The following GPM6A variants were observed in gnomAD, a reference collection of about 807,000 sequenced individuals.
The protein encoded by GPM6A is glycoprotein M6A.
GPM6A carries 7 observed loss-of-function variants against 32.1 expected under a neutral mutation model. That is an observed-to-expected ratio of 0.22 (90% CI 0.12 to 0.41). The LOEUF is 0.41. Among genes scored for constraint, GPM6A ranks in the 10% least tolerant of loss-of-function variants. GPM6A has a pLI of 1.00. For synonymous variants in GPM6A, 130 were observed against 123.4 expected (o/e 1.05, Z -0.35); for missense variants, 235 against 347.2 (o/e 0.68, Z 2.57).
At chr4:175,973,847 AT>A (rs1740578882) in intron 1 of GPM6A, among the ~76,000 whole-genome samples, 1 of 152,176 alleles carries the variant, frequency 6.6e-6, no homozygotes, top group African/African-American at 2.4e-5. Flanking sequence ...ATAAATTATC[AT>A]ATGATGCTTT....
At chr4:175,659,092 T>A (rs1447962377) in intron 3 of GPM6A, among the ~76,000 whole-genome samples, 3 of 152,066 alleles carry the variant, frequency 2.0e-5, no homozygotes, top group East Asian at 1.9e-4. Context: ...TTTCCTTTTT[T>A]TTTTTTTGAG....
chr4:175,707,571 G>T (rs1745270217), intron 1 of GPM6A, among the ~76,000 whole-genome samples: 1 of 151,822 alleles, frequency 6.6e-6, no homozygotes, highest in Non-Finnish European at 1.5e-5. Flanking sequence ...GAATTATTTT[G>T]AGTTTGTGGA....
chr4:175,775,982 A>G (rs971372763), intron 1 of GPM6A, among the ~76,000 whole-genome samples: 1 of 152,298 alleles, frequency 6.6e-6, no homozygotes, highest in South Asian at 2.1e-4. Context: ...ATTTCAAAAG[A>G]CACTAAATTC....
At chr4:175,749,455 C>T (rs913888012) in intron 1 of GPM6A, among the ~76,000 whole-genome samples, 2 of 152,046 alleles carry the variant, frequency 1.3e-5, no homozygotes, top group Non-Finnish European at 2.9e-5. Flanking sequence ...GCACTGTCTG[C>T]AAAGGCTATT....
At chr4:175,735,339 G>C (rs1731613065) in intron 1 of GPM6A, among the ~76,000 whole-genome samples, 1 of 152,090 alleles carries the variant, frequency 6.6e-6, no homozygotes, top group African/African-American at 2.4e-5. Flanking sequence ...CCTAAATTCT[G>C]CCTAATTTGG....
rs1481047567 is a variant in GPM6A, at chr4:175,713,777, A to G, written c.38-12010T>C. Among the ~76,000 whole-genome samples, 3 of 152,308 alleles carry G rather than the reference A, an allele frequency of 2.0e-5. No individual in the cohort carries two copies. The South Asian group carries it at 6.2e-4, about 32-fold the overall frequency. On this transcript the variant is annotated intron_variant, in intron 1 of 6. Coordinates refer to ENST00000393658, the MANE Select transcript of GPM6A (RefSeq NM_201591.3). Reference sequence around the variant, plus strand: ...ACAGGAAAAAATTCGCAGCGTTCAAAGGCATTTTTGTATCCTCTAGTACAA... The same window carrying G: ...ACAGGAAAAAATTCGCAGCGTTCAAGGGCATTTTTGTATCCTCTAGTACAA...
intron 4 of GPM6A, among the ~76,000 whole-genome samples, chr4:175,642,976 A>T (rs901316735): frequency 1.3e-5 from 2 of 152,104 alleles, no homozygotes; most frequent in African/African-American, 4.8e-5. Flanking sequence ...TTGATAGCAA[A>T]TCTTACCATT....
At position 175,743,673 on chromosome 4, in the gene GPM6A, A is replaced by G. The variant is rs76461986; in HGVS notation, c.38-41906T>C. Among the ~76,000 whole-genome samples, 172 of 152,194 alleles carry G rather than the reference A, an allele frequency of 1.1e-3. 1 individual carries two copies. In the East Asian group the frequency reaches 0.031, roughly 27 times the overall value. ...AAATATAAGGACACAAAAAGTTGAA[A>G]AAATAAAGCAGAAAAATGGCTTAGC... On this transcript the variant is annotated intron_variant, in intron 1 of 6. Coordinates refer to ENST00000393658, the MANE Select transcript of GPM6A (RefSeq NM_201591.3).
chr4:175,763,715 G>C (rs1300461907), intron 1 of GPM6A, among the ~76,000 whole-genome samples: 2 of 151,996 alleles, frequency 1.3e-5, no homozygotes, highest in Non-Finnish European at 2.9e-5. Context: ...TATGGAATTA[G>C]ATCTACTATC....
At chr4:175,765,641 T>C (rs193015840) in intron 1 of GPM6A, among the ~76,000 whole-genome samples, 136 of 152,334 alleles carry the variant, frequency 8.9e-4, no homozygotes, top group Admixed American at 7.7e-3. Context: ...AATCTAGCAG[T>C]ATTTTTATAC....
rs145713779 is a variant in GPM6A, at chr4:175,738,120, T to C, written c.38-36353A>G. ...GCCTGGCTAAATTTTGTATTTTTAG[T>C]AGAGGTGGGGTTTCACCCTGTTGGC... On this transcript the variant is annotated intron_variant, in intron 1 of 6. Coordinates refer to ENST00000393658, the MANE Select transcript of GPM6A (RefSeq NM_201591.3). 2.2e-3 allele frequency among the ~76,000 whole-genome samples: 329 copies of C among 152,246 alleles called. 11 individuals are homozygous for C. In the East Asian group the frequency reaches 0.057, roughly 26 times the overall value.
intron 1 of GPM6A, among the ~76,000 whole-genome samples, chr4:175,944,757 C>G (rs1264721922): frequency 6.6e-6 from 1 of 152,176 alleles, no homozygotes; most frequent in Non-Finnish European, 1.5e-5. Flanking sequence ...CTGCTTGACT[C>G]TTAGTGGCAT....
chr4:175,640,006 T>A (rs960084443), intron 6 of GPM6A, 123 bp downstream of exon 6: 9 of 817,872 alleles, frequency 1.1e-5, no homozygotes, highest in African/African-American at 1.0e-4. Flanking sequence ...CTACTTTTTT[T>A]AATCTGATGA....
chr4:175,866,782 G>A (rs923944390), intron 1 of GPM6A, among the ~76,000 whole-genome samples: 1 of 152,126 alleles, frequency 6.6e-6, no homozygotes, highest in African/African-American at 2.4e-5. Flanking sequence ...AAAATATCAA[G>A]GAGTGTGACT....
rs76968713 is a variant in GPM6A, at chr4:175,821,888, A to G, written c.-22-9639T>C. On this transcript the variant is annotated intron_variant, in intron 1 of 7. Transcript: ENST00000280187. ...TTCACATATTTGAATTAAAACAAAT[A>G]TGAGTCTAACTGTCCAATCTATATA... is the stretch of plus-strand genomic sequence containing the variant. Among the ~76,000 whole-genome samples the G allele has an allele frequency of 2.8e-3, 427 of 152,232 alleles. 4 individuals are homozygous for G. The highest frequency in any genetic ancestry group is 8.7e-3 in the African/African-American group (363 of 41,590).
Position 175,895,544 on chromosome 4 carries a change from A to G in GPM6A, c.-22-83295T>C, listed in dbSNP as rs201197381. ...ATGAGGAAAAATAATATCTACAGGT[A>G]TGTATATCACCAAGAGATATATAGT... is the stretch of plus-strand genomic sequence containing the variant. On this transcript the variant is annotated intron_variant, in intron 1 of 7. Transcript: ENST00000280187. 2.0e-5 allele frequency among the ~76,000 whole-genome samples: 3 copies of G among 152,178 alleles called. No individual in the cohort carries two copies. The East Asian group carries it at 5.8e-4, about 29-fold the overall frequency.
At chr4:175,733,878 T>G (rs1186166675) in intron 1 of GPM6A, among the ~76,000 whole-genome samples, 1 of 152,134 alleles carries the variant, frequency 6.6e-6, no homozygotes, top group African/African-American at 2.4e-5. Flanking sequence ...ATTTAACAAT[T>G]AGTTTATTTA....
intron 1 of GPM6A, among the ~76,000 whole-genome samples, chr4:175,909,314 CT>C (rs1159245285): frequency 6.6e-6 from 1 of 152,128 alleles, no homozygotes; most frequent in African/African-American, 2.4e-5. Flanking sequence ...CTTTCTCCAA[CT>C]GGCGCATTTG....
chr4:175,772,033 G>C (rs1043150739), intron 1 of GPM6A, among the ~76,000 whole-genome samples: 1 of 152,162 alleles, frequency 6.6e-6, no homozygotes, highest in African/African-American at 2.4e-5. Context: ...TCTAGGAATT[G>C]CCCCTTCCAT....
Sources: gnomAD v4.1 joint callset for allele counts (sites outside exome capture counted in the v4.1 genomes callset) on GRCh38, gnomAD v4.1.1 for gene constraint, MANE v1.5 for transcripts, NCBI Gene and HGNC (gene_info 2026-07-23, HGNC 2026-07-21) for gene names.